The following SLC26A5 variants were observed in gnomAD, a reference collection of about 807,000 sequenced individuals.
SLC26A5 encodes the protein solute carrier family 26 member 5.
Under a neutral mutation model 81.0 loss-of-function variants are expected in SLC26A5, and 51 were observed. The ratio of observed to expected loss-of-function variants is 0.63; its 90% confidence interval spans 0.50 to 0.80. The LOEUF is 0.80. SLC26A5 is among the 30% of genes least tolerant of loss of function. The pLI is 0.00. For synonymous variants in SLC26A5, 325 were observed against 332.8 expected (o/e 0.98, Z 0.25); for missense variants, 771 against 905.8 (o/e 0.85, Z 1.91).
chr7:103,397,990 C>G lies in SLC26A5; in HGVS notation c.913G>C (p.Ala305Pro). The change falls in exon 9 of 20, where the codon GCT becomes CCT. Residue 305 changes from alanine to proline, a missense_variant. Coordinates refer to ENST00000306312, the MANE Select transcript of SLC26A5 (RefSeq NM_198999.3). ...TATGATTCTTTCAAGTTAAACCCAG[C>G]TGAAATGCCAGTTCCCATTACGACC... ...FAVVMGTGIS[A>P]GFNLKESYNV... The G allele has an allele frequency of 6.2e-7, 1 of 1,614,032 alleles. No homozygotes were observed. Among genetic ancestry groups the G allele is most frequent in the Non-Finnish European group, 8.5e-7 (1 of 1,179,968 alleles).
intron 14 of SLC26A5, 62 bp from the exon 15 acceptor site, chr7:103,380,611 G>T: frequency 6.9e-7 from 1 of 1,447,250 alleles, no homozygotes; most frequent in Non-Finnish European, 9.7e-7. Flanking sequence ...TCAACAGGAG[G>T]TTGTGTATGT....
intron 2 of SLC26A5, among the ~76,000 whole-genome samples, chr7:103,436,381 T>A (rs550580717): frequency 6.6e-6 from 1 of 152,230 alleles, no homozygotes; most frequent in African/African-American, 2.4e-5. Flanking sequence ...AAAATCAGGC[T>A]TATGATTTTG....
intron 11 of SLC26A5, 143 bp from the exon 12 acceptor site, chr7:103,390,649 A>G (rs1822568314): frequency 1.4e-6 from 1 of 739,412 alleles, no homozygotes; most frequent in African/African-American, 1.7e-5. Context: ...CCACTACATA[A>G]CCTATAGCTC....
chr7:103,386,840 G>A (rs1586237813), intron 14 of SLC26A5, among the ~76,000 whole-genome samples: 1 of 151,196 alleles, frequency 6.6e-6, no homozygotes, highest in East Asian at 2.0e-4. Context: ...TCAGCTCACT[G>A]CAACCTCCAC....
intron 2 of SLC26A5, among the ~76,000 whole-genome samples, chr7:103,425,893 T>C (rs1825679656): frequency 6.6e-6 from 1 of 152,156 alleles, no homozygotes. Flanking sequence ...CAGACAGGGA[T>C]TGAGAGCTTA....
rs763177821 is a variant in SLC26A5 at position 103,443,125 on chromosome 7, A to T, written c.-96T>A. On this transcript the variant is annotated 5_prime_UTR_variant, in exon 2 of 20. Coordinates refer to ENST00000306312, the MANE Select transcript of SLC26A5 (RefSeq NM_198999.3). ...CACAAAAGTCGGGACAGGGGACAAG[A>T]TCCCCCGCTGGGAGCTCCAGTGCAG... The T allele has an allele frequency of 6.6e-5, 10 of 152,248 alleles. No homozygotes were observed. Among genetic ancestry groups the T allele is most frequent in the Non-Finnish European group, 1.3e-4 (9 of 68,102 alleles). 9.4% of individuals were successfully genotyped at this position (152,248 alleles called of 1,614,324 possible). A position where few individuals can be genotyped will look rare whatever the true frequency, so the allele number is the denominator to read the frequency against.
Position 103,392,981 on chromosome 7 carries a change from C to A in SLC26A5, c.1057G>T (p.Val353Leu), listed in dbSNP as rs1822791929. The change falls in exon 10 of 20, where the codon GTG becomes TTG. Residue 353 changes from valine to leucine, a missense_variant. Val to Leu is a conservative substitution (Grantham distance 32). Transcript: ENST00000306312. ...AIAIAIVGFS[V>L]TISMAKTLAN... ...AAGGTCTTGGCCATGGAGATGGTCACTGAAAATCCAACGATGGCTATGGCA... is the reference window on the plus strand; with the variant it reads ...AAGGTCTTGGCCATGGAGATGGTCAATGAAAATCCAACGATGGCTATGGCA... 1 of 1,613,996 alleles carries A rather than the reference C, an allele frequency of 6.2e-7. No homozygotes were observed. Among genetic ancestry groups the A allele is most frequent in the Non-Finnish European group, 8.5e-7 (1 of 1,179,894 alleles).
At chr7:103,374,100 T>C, downstream of SLC26A5, 1 of 888,548 alleles carries the variant, frequency 1.1e-6, no homozygotes, top group Non-Finnish European at 1.4e-6. Flanking sequence ...ATCTTATTTG[T>C]GGGTAAAATA....
chr7:103,389,084 A>T lies in SLC26A5; in HGVS notation c.1438T>A (p.Leu480Met). Residue 480 changes from leucine to methionine, a missense_variant, in exon 14 of 20, where the codon TTG (leucine) becomes ATG (methionine). Physicochemically the swap from Leu to Met is conservative, Grantham distance 15. Transcript: ENST00000306312. The part of the protein sequence containing the change: ...TIWLTTFVSS[L>M]FLGLDYGLIT... ...AAACCATAGTCCAATCCCAGGAACA[A>T]GGAGGACACAAAAGTGGTAAGCCAG... 6.2e-7 allele frequency: 1 copy of T among 1,613,842 alleles called. No individual in the cohort carries two copies.
intron 8 of SLC26A5, among the ~76,000 whole-genome samples, chr7:103,399,530 G>C (rs1823410107): frequency 1.3e-5 from 2 of 152,126 alleles, no homozygotes; most frequent in Non-Finnish European, 2.9e-5. Context: ...GCTAGAACTT[G>C]TTGTTATAAT....
At chr7:103,362,253 T>C (rs1014861817) in intron 19 of SLC26A5, 28 of 1,427,004 alleles carry the variant, frequency 2.0e-5, no homozygotes, top group East Asian at 2.6e-5. Flanking sequence ...ATCTGCTTCC[T>C]AACTTCCCAT....
rs1821181304 is a variant in SLC26A5 at position 103,374,283 on chromosome 7, GC to G, written c.*115del. 6.6e-7 allele frequency: 1 copy of G among 1,521,126 alleles called. No homozygotes were observed. Among genetic ancestry groups the G allele is most frequent in the Admixed American group, 2.1e-5 (1 of 46,750 alleles). 94.2% of individuals were successfully genotyped at this position (1,521,126 alleles called of 1,614,324 possible). A position where few individuals can be genotyped will look rare whatever the true frequency, so the allele number is the denominator to read the frequency against. On this transcript the variant is annotated 3_prime_UTR_variant, in exon 20 of 20. Coordinates refer to ENST00000306312, the MANE Select transcript of SLC26A5 (RefSeq NM_198999.3). ...AGGCGTCATTCACCCTCCAAATCAA[GC>G]CTGGACTACTAGTATTCACCCTTAG...
downstream of SLC26A5, among the ~76,000 whole-genome samples, chr7:103,371,473 C>T (rs559608684): frequency 2.0e-3 from 308 of 150,274 alleles, 5 homozygotes; most frequent in Admixed American, 0.019. Context: ...TACAGGCGCC[C>T]GCCACTACGC....
In SLC26A5 at chr7:103,367,943, C is replaced by G. The variant is rs760946308; in HGVS notation, c.2041+8865G>C. The G allele has an allele frequency of 6.2e-7, 1 of 1,614,034 alleles. No individual in the cohort carries two copies. The highest frequency in any genetic ancestry group is 1.1e-5 in the South Asian group (1 of 91,068). ...GCACAGAGGCTGGTATGTTTGCCAT[C>G]AGAGCACGGCGAAAAATTGCTACCG... On this transcript the variant is annotated intron_variant, in intron 19 of 19. Coordinates refer to the SLC26A5 transcript ENST00000339444. The surrounding 1 kb of genome is among the most constrained non-coding windows in gnomAD (Gnocchi z 6.1).
chr7:103,424,292 C>T (rs1420252957), intron 2 of SLC26A5, among the ~76,000 whole-genome samples: 1 of 152,126 alleles, frequency 6.6e-6, no homozygotes, highest in African/African-American at 2.4e-5. Flanking sequence ...ATGCATGTTA[C>T]TTGGTATACG....
chr7:103,361,336 TAAAA>T (rs1170508055), intron 19 of SLC26A5, among the ~76,000 whole-genome samples: 2 of 120,826 alleles, frequency 1.7e-5, no homozygotes, highest in African/African-American at 3.1e-5. Flanking sequence ...CCCTCTCTAC[TAAAA>T]AAAAAAAAAA....
At chr7:103,402,947 G>A (rs1189168661) in intron 8 of SLC26A5, among the ~76,000 whole-genome samples, 9 of 152,042 alleles carry the variant, frequency 5.9e-5, no homozygotes, top group Non-Finnish European at 1.5e-5. Flanking sequence ...TCCTTCTCAA[G>A]TTATTTTAAT....
chr7:103,429,623 T>C (rs1825926089), intron 2 of SLC26A5, among the ~76,000 whole-genome samples: 1 of 152,248 alleles, frequency 6.6e-6, no homozygotes, highest in Non-Finnish European at 1.5e-5. Flanking sequence ...GAATATATTA[T>C]CTATCTGTTT....
At chr7:103,372,611 A>T (rs1323259427), downstream of SLC26A5, among the ~76,000 whole-genome samples, 1 of 152,172 alleles carries the variant, frequency 6.6e-6, no homozygotes, top group African/African-American at 2.4e-5. Flanking sequence ...CATTATGCTT[A>T]CTCCTAGGCT....
Sources: gnomAD v4.1 joint callset for allele counts (sites outside exome capture counted in the v4.1 genomes callset) on GRCh38, gnomAD v4.1.1 for gene constraint, Gnocchi (gnomAD v3.1) non-coding constraint, MANE v1.5 for transcripts, NCBI Gene and HGNC (gene_info 2026-07-23, HGNC 2026-07-21) for gene names.